The following PROS1 variants were observed in gnomAD, a reference collection of about 807,000 sequenced individuals.
PROS1 encodes protein S, also known as vitamin K-dependent protein S.
Under a neutral mutation model 75.9 loss-of-function variants are expected in PROS1, and 29 were observed. The ratio of observed to expected loss-of-function variants is 0.38; its 90% confidence interval spans 0.28 to 0.52. PROS1 has a LOEUF of 0.52. Ranked by LOEUF, PROS1 falls within the 20% of genes least tolerant of loss-of-function variation. The pLI, the probability that PROS1 is intolerant of heterozygous loss-of-function variation, is 0.83. For synonymous variants in PROS1, 245 were observed against 280.6 expected, an observed-to-expected ratio of 0.87 and a Z score of 1.27; for missense variants, 680 against 810.3, an observed-to-expected ratio of 0.84 and a Z score of 1.95.
intron 1 of PROS1, among the ~76,000 whole-genome samples, chr3:93,940,745 C>T (rs570905438): frequency 3.3e-5 from 5 of 152,264 alleles, no homozygotes; most frequent in Admixed American, 2.0e-4. Context: ...TTGCTCAACA[C>T]CAGTATCCTA....
At chr3:93,964,052 T>C (rs1380333221) in intron 1 of PROS1, among the ~76,000 whole-genome samples, 5 of 152,226 alleles carry the variant, frequency 3.3e-5, no homozygotes, top group Non-Finnish European at 7.3e-5. Context: ...ATGCTTGTCT[T>C]ACTTTAATCT....
In PROS1 at chr3:93,924,238, A is replaced by G; in HGVS notation, c.259+2T>C. 7.6e-7 allele frequency: 1 copy of G among 1,307,484 alleles called. No homozygotes were observed. The highest frequency in any genetic ancestry group is 1.0e-6 in the Non-Finnish European group (1 of 956,802). 81.0% of individuals were successfully genotyped at this position (1,307,484 alleles called of 1,614,324 possible). ...TATATAATTGAGATGTTTTGAACTT[A>G]CCTAAGTATTTTGGATAAAAATAAT... is the stretch of plus-strand genomic sequence containing the variant. On this transcript the variant is annotated splice_donor_variant, in intron 3 of 14. Transcript: ENST00000394236. LOFTEE classifies it high-confidence loss of function.
chr3:93,913,780 G>T (rs555192936), intron 3 of PROS1, among the ~76,000 whole-genome samples: 15 of 152,074 alleles, frequency 9.9e-5, no homozygotes, highest in Non-Finnish European at 1.2e-4. Flanking sequence ...AAAGTCCAAA[G>T]TCCAAAGTCT....
At position 93,879,295 on chromosome 3, in the gene PROS1, C is replaced by A. The variant is rs759240142; in HGVS notation, c.1512G>T (p.Glu504Asp). 6.2e-7 allele frequency: 1 copy of A among 1,613,980 alleles called. No individual in the cohort carries two copies. The highest frequency in any genetic ancestry group is 1.1e-5 in the South Asian group (1 of 91,064). ...TCAAGGTCACATTTACATGCCAACC[C>A]TCAGCACTGGATACATTATCTATTT... ...HIDYNNVSSA[E>D]GWHVNVTLNI... The change falls in exon 13 of 15, where the codon GAG becomes GAT. Residue 504 changes from glutamate to aspartate, a missense_variant. Transcript: ENST00000394236.
intron 1 of PROS1, among the ~76,000 whole-genome samples, chr3:93,940,944 C>G (rs13085785): frequency 6.6e-6 from 1 of 151,960 alleles, no homozygotes; most frequent in Non-Finnish European, 1.5e-5. Flanking sequence ...CCCTCTGGTG[C>G]CCAACCCGTA....
rs185347571 is a variant in PROS1, at chr3:93,950,245, C to A, written c.77-22838G>T. Among the ~76,000 whole-genome samples the A allele has an allele frequency of 8.7e-4, 132 of 152,292 alleles. 1 individual carries two copies. In the Middle Eastern group the frequency reaches 0.02, roughly 24 times the overall value. On this transcript the variant is annotated intron_variant, in intron 1 of 14. Coordinates refer to ENST00000394236, the MANE Select transcript of PROS1 (RefSeq NM_000313.4). ...GAGGCCTGCCTGTCTCTGTAGACTC[C>A]ACCTCTAGGGGCAGGGCTTAGCTGA...
At chr3:93,958,451 C>T (rs1709646208) in intron 1 of PROS1, 2 of 152,244 alleles carry the variant, frequency 1.3e-5, no homozygotes, top group South Asian at 4.1e-4. Flanking sequence ...GTCAAAACCT[C>T]TGCATTCCTT....
At chr3:93,889,617 C>T (rs1216283524) in intron 10 of PROS1, among the ~76,000 whole-genome samples, 13 of 152,064 alleles carry the variant, frequency 8.5e-5, no homozygotes, top group Non-Finnish European at 1.3e-4. Context: ...GCTATTGTTG[C>T]GGGAAGTCAG....
intron 1 of PROS1, among the ~76,000 whole-genome samples, chr3:93,962,087 C>T (rs1709714012): frequency 6.6e-6 from 1 of 152,100 alleles, no homozygotes; most frequent in South Asian, 2.1e-4. Context: ...CTAGATCAAA[C>T]ATGCTGGTGG....
intron 1 of PROS1, among the ~76,000 whole-genome samples, chr3:93,937,122 A>G (rs1242891006): frequency 1.3e-5 from 2 of 152,162 alleles, no homozygotes; most frequent in Non-Finnish European, 2.9e-5. Context: ...AGCTGGGAGC[A>G]TCAGCAAGCT....
Position 93,882,824 on chromosome 3 carries a change from C to A in PROS1, c.1492+1904G>T, listed in dbSNP as rs1267576937. ...TCTTAATATGGTCCTGAAAGCAGCA[C>A]CAGCTACAGGGAAGCCACAAAGCCC... On this transcript the variant is annotated intron_variant, in intron 12 of 14. Transcript: ENST00000394236. 4.6e-5 allele frequency among the ~76,000 whole-genome samples: 7 copies of A among 152,202 alleles called. No individual in the cohort carries two copies. The East Asian group carries it at 1.2e-3, about 25-fold the overall frequency.
intron 6 of PROS1, among the ~76,000 whole-genome samples, chr3:93,905,084 T>C (rs1231480438): frequency 6.6e-6 from 1 of 152,102 alleles, no homozygotes; most frequent in Non-Finnish European, 1.5e-5. Context: ...TAAAATACAA[T>C]GGAAGAGGTT....
Position 93,973,659 on chromosome 3 carries a change from C to G in PROS1, c.76+15G>C, listed in dbSNP as rs1266146243. The stretch of plus-strand genomic sequence containing the variant: ...AATGCTGGGGAAGGGAGAAGAGACG[C>G]TATTGATTACTCACAGTTTGCCTCT... On this transcript the variant is annotated intron_variant, in intron 1 of 14. Coordinates refer to ENST00000394236, the MANE Select transcript of PROS1 (RefSeq NM_000313.4). The G allele has an allele frequency of 3.7e-6, 6 of 1,612,792 alleles. No homozygotes were observed. Among genetic ancestry groups the G allele is most frequent in the Middle Eastern group, 1.7e-4 (1 of 6,058 alleles).
Position 93,960,176 on chromosome 3 carries a change from CT to C in PROS1, c.76+13497del, listed in dbSNP as rs997640046. Among the ~76,000 whole-genome samples, 646 of 138,934 alleles carry C rather than the reference CT, an allele frequency of 4.6e-3. 2 individuals carry two copies. Among genetic ancestry groups the C allele is most frequent in the African/African-American group, 9.9e-3 (380 of 38,294 alleles). 91.1% of individuals were successfully genotyped at this position (138,934 alleles called of 152,430 possible). A position where few individuals can be genotyped will look rare whatever the true frequency, so the allele number is the denominator to read the frequency against. ...ACTATAAGCAGAAGTGCGTTTGTCACTTTTTTTTTTTTTTTTTGGAGATGGA... is the reference window on the plus strand; with the variant it reads ...ACTATAAGCAGAAGTGCGTTTGTCACTTTTTTTTTTTTTTTTGGAGATGGA... On this transcript the variant is annotated intron_variant, in intron 1 of 14. Coordinates refer to ENST00000394236, the MANE Select transcript of PROS1 (RefSeq NM_000313.4).
At chr3:93,879,833 C>A (rs1031592082) in intron 12 of PROS1, among the ~76,000 whole-genome samples, 49 of 152,058 alleles carry the variant, frequency 3.2e-4, no homozygotes, top group African/African-American at 1.2e-3. Context: ...AGAATAGGAA[C>A]CCTTGTTTTG....
At chr3:93,883,040 C>T (rs1708294900) in intron 12 of PROS1, among the ~76,000 whole-genome samples, 1 of 152,112 alleles carries the variant, frequency 6.6e-6, no homozygotes. Context: ...AGACATCTCC[C>T]CTACTGATGA....
chr3:93,931,237 C>A lies in PROS1; in HGVS notation c.77-3830G>T, dbSNP rs190941473. Among the ~76,000 whole-genome samples, 17 of 152,220 alleles carry A rather than the reference C, an allele frequency of 1.1e-4. No individual in the cohort carries two copies. The East Asian group carries it at 1.7e-3, about 16-fold the overall frequency. ...GTTGTGCTAATGGAATTCAAATATA[C>A]CCATCCCCTTAGCCCAGTGCTCTTT... On this transcript the variant is annotated intron_variant, in intron 1 of 14. Coordinates refer to ENST00000394236, the MANE Select transcript of PROS1 (RefSeq NM_000313.4).
At chr3:93,939,833 A>C (rs1313312293) in intron 1 of PROS1, among the ~76,000 whole-genome samples, 1 of 152,160 alleles carries the variant, frequency 6.6e-6, no homozygotes, top group Non-Finnish European at 1.5e-5. Flanking sequence ...CCGACATTAG[A>C]AAAAGCTCCA....
chr3:93,898,240 T>C (rs1708532145), intron 8 of PROS1, among the ~76,000 whole-genome samples: 1 of 151,870 alleles, frequency 6.6e-6, no homozygotes, highest in South Asian at 2.1e-4. Context: ...CTCTACCCTC[T>C]TTTTTTTAAA....
Sources: allele counts gnomAD v4.1 joint callset (sites outside exome capture counted in the v4.1 genomes callset), GRCh38; gene constraint gnomAD v4.1.1; transcripts MANE v1.5; gene names NCBI Gene and HGNC (gene_info 2026-07-23, HGNC 2026-07-21).